The following LZTFL1 variants were observed in gnomAD, a reference collection of about 807,000 sequenced individuals.
The protein encoded by LZTFL1 is leucine zipper transcription factor-like protein 1.
In LZTFL1, 25 loss-of-function variants were observed where a neutral mutation model predicts 45.9. The observed-to-expected ratio is 0.54, with a 90% CI of 0.40 to 0.76. LZTFL1 has a LOEUF of 0.76. Ranked by LOEUF, LZTFL1 falls within the 30% of genes least tolerant of loss-of-function variation. The pLI is 0.00. For synonymous variants in LZTFL1, 93 were observed against 117.4 expected (o/e 0.79, Z 1.35); for missense variants, 277 against 331.1 (o/e 0.84, Z 1.27).
intron 2 of LZTFL1, chr3:45,897,678 C>T: frequency 3.6e-6 from 5 of 1,385,582 alleles, no homozygotes; most frequent in South Asian, 2.7e-5. Flanking sequence ...CACCTGCCCC[C>T]TCTCATTTGT....
Position 45,834,226 on chromosome 3 carries a change from C to A in LZTFL1, c.384+12G>T, listed in dbSNP as rs538612017. ...CTATTAAGATATGGATTTAGAATGA[C>A]CAAAAAGTTACCTTTTTGTTTGAAG... On this transcript the variant is annotated intron_variant, in intron 4 of 9. Coordinates refer to ENST00000296135, the MANE Select transcript of LZTFL1 (RefSeq NM_020347.4). 2.5e-4 allele frequency: 390 copies of A among 1,553,002 alleles called. 1 individual carries two copies. The South Asian group carries it at 4.2e-3, about 17-fold the overall frequency.
rs538544547 is a variant in LZTFL1 at position 45,901,042 on chromosome 3, T to C, written c.-215+12078A>G. On this transcript the variant is annotated intron_variant, in intron 2 of 4. Coordinates refer to the LZTFL1 transcript ENST00000472635. This position sits in a 1 kb window ranked among gnomAD's most constrained non-coding sequence, Gnocchi z 4.3. The stretch of plus-strand genomic sequence containing the variant: ...ACAAGAGTGAAGACCATGACCGACA[T>C]GTTCCTTTTGAATTTGGCAATTGCT... 1.5e-5 allele frequency: 25 copies of C among 1,614,236 alleles called. No individual in the cohort carries two copies. The African/African-American group carries it at 2.4e-4, about 15-fold the overall frequency.
In LZTFL1 at chr3:45,891,396, T is replaced by C. The variant is rs534048200; in HGVS notation, c.-215+21724A>G. Among the ~76,000 whole-genome samples, 13 of 152,366 alleles carry C rather than the reference T, an allele frequency of 8.5e-5. 1 individual carries two copies. The South Asian group carries it at 2.7e-3, about 32-fold the overall frequency. On this transcript the variant is annotated intron_variant, in intron 2 of 4. Coordinates refer to the LZTFL1 transcript ENST00000472635. ...GCTTATAAACCCTTCACCCAAACCA[T>C]TGTTTTCATTTTGTCCTACTGGCTT...
At position 45,825,579 on chromosome 3, in the gene LZTFL1, C is replaced by A. The variant is rs1700643082; in HGVS notation, c.*735G>T. 6.6e-6 allele frequency: 1 copy of A among 152,058 alleles called. No homozygotes were observed. The highest frequency in any genetic ancestry group is 6.5e-5 in the Admixed American group (1 of 15,272). 9.4% of individuals were successfully genotyped at this position (152,058 alleles called of 1,614,324 possible). The stretch of plus-strand genomic sequence containing the variant: ...TATAAATATTACATTTATTCTGAGT[C>A]CAGATACTTTCTAAACTGTAGAAGT... On this transcript the variant is annotated 3_prime_UTR_variant, in exon 10 of 10. Coordinates refer to ENST00000296135, the MANE Select transcript of LZTFL1 (RefSeq NM_020347.4).
In LZTFL1 at chr3:45,900,909, A is replaced by C. The variant is rs1374860349; in HGVS notation, c.-215+12211T>G. ...CTTCACTGACTTCTACTGTGAGAAA[A>C]ACAATGTCAGGCAGTTTGCGAGCCA... On this transcript the variant is annotated intron_variant, in intron 2 of 4. Coordinates refer to the LZTFL1 transcript ENST00000472635. This position sits in a 1 kb window ranked among gnomAD's most constrained non-coding sequence, Gnocchi z 4.7. The C allele has an allele frequency of 3.7e-6, 6 of 1,614,212 alleles. No individual in the cohort carries two copies. The highest frequency in any genetic ancestry group is 5.1e-6 in the Non-Finnish European group (6 of 1,180,028).
chr3:45,890,650 G>A (rs1306949341), intron 2 of LZTFL1, among the ~76,000 whole-genome samples: 3 of 151,920 alleles, frequency 2.0e-5, no homozygotes, highest in African/African-American at 4.8e-5. Context: ...TGTCAGAACC[G>A]TTCAGAAATA....
chr3:45,837,921 T>C lies in LZTFL1; in HGVS notation c.128+6A>G. The C allele has an allele frequency of 1.2e-6, 2 of 1,605,318 alleles. No individual in the cohort carries two copies. Among genetic ancestry groups the C allele is most frequent in the Non-Finnish European group, 1.7e-6 (2 of 1,177,290 alleles). ...ATTTGGTTTGCTTAGAGTCCTCCTCTGATACCTGCTCTCCTTGAGGTCTTG... is the reference window on the plus strand; with the variant it reads ...ATTTGGTTTGCTTAGAGTCCTCCTCCGATACCTGCTCTCCTTGAGGTCTTG... On this transcript the variant is annotated splice_donor_region_variant and intron_variant, in intron 2 of 9. Coordinates refer to ENST00000296135, the MANE Select transcript of LZTFL1 (RefSeq NM_020347.4).
intron 2 of LZTFL1, among the ~76,000 whole-genome samples, chr3:45,905,644 C>T (rs1490803052): frequency 6.6e-6 from 1 of 152,218 alleles, no homozygotes; most frequent in East Asian, 1.9e-4. Context: ...CCAAGCCAGG[C>T]CTTCCCAGGG....
upstream of LZTFL1, among the ~76,000 whole-genome samples, chr3:45,845,591 C>G (rs1041353232): frequency 1.5e-4 from 23 of 152,086 alleles, no homozygotes; most frequent in African/African-American, 5.6e-4. Flanking sequence ...TGGCAAACTA[C>G]AAAAAGAGAT....
intron 2 of LZTFL1, among the ~76,000 whole-genome samples, chr3:45,837,219 T>C (rs2742367): frequency 6.6e-6 from 1 of 152,252 alleles, no homozygotes; most frequent in South Asian, 2.1e-4. Flanking sequence ...TCTTTCTATA[T>C]TCTTCAATAG....
chr3:45,834,243 T>G lies in LZTFL1; in HGVS notation c.379A>C (p.Lys127Gln). The change falls in exon 4 of 10, where the codon AAA becomes CAA. Residue 127 changes from lysine to glutamine, a missense_variant. Coordinates refer to ENST00000296135, the MANE Select transcript of LZTFL1 (RefSeq NM_020347.4). ...FEKAEITSSN[K>Q]KPILDVTKPK... ...TAGAATGACCAAAAAGTTACCTTTT[T>G]GTTTGAAGATGTAATCTCTGCTTTT... 1 of 1,588,228 alleles carries G rather than the reference T, an allele frequency of 6.3e-7. No individual in the cohort carries two copies. Among genetic ancestry groups the G allele is most frequent in the Non-Finnish European group, 8.6e-7 (1 of 1,159,128 alleles).
intron 2 of LZTFL1, among the ~76,000 whole-genome samples, chr3:45,911,620 A>C (rs1702796437): frequency 6.6e-6 from 1 of 152,226 alleles, no homozygotes; most frequent in South Asian, 2.1e-4. Context: ...TCTTCTCACA[A>C]AGGCCCTGAG....
rs1700608865 is a variant in LZTFL1, at chr3:45,824,270, T to G, written c.*2044A>C. 1 of 152,150 alleles carries G rather than the reference T, an allele frequency of 6.6e-6. No individual in the cohort carries two copies. Among genetic ancestry groups the G allele is most frequent in the African/African-American group, 2.4e-5 (1 of 41,436 alleles). 9.4% of individuals were successfully genotyped at this position (152,150 alleles called of 1,614,324 possible). On this transcript the variant is annotated 3_prime_UTR_variant, in exon 10 of 10. Coordinates refer to ENST00000296135, the MANE Select transcript of LZTFL1 (RefSeq NM_020347.4). Reference sequence around the variant, plus strand: ...ATATATATATATATGAAAAAGGCTTTCTTTCTCAGTTAAATTAGATAAGTC... The same window carrying G: ...ATATATATATATATGAAAAAGGCTTGCTTTCTCAGTTAAATTAGATAAGTC...
chr3:45,847,726 G>A (rs1246229584), intron 4 of LZTFL1, among the ~76,000 whole-genome samples: 1 of 152,192 alleles, frequency 6.6e-6, no homozygotes, highest in Non-Finnish European at 1.5e-5. Context: ...CTCAGAGATT[G>A]CAGCTTTATA....
chr3:45,830,671 G>A (rs1349478350), intron 7 of LZTFL1, among the ~76,000 whole-genome samples: 1 of 152,078 alleles, frequency 6.6e-6, no homozygotes, highest in Admixed American at 6.5e-5. Flanking sequence ...TGCATGCCAG[G>A]GAAACTGCAG....
intron 2 of LZTFL1, among the ~76,000 whole-genome samples, chr3:45,865,061 C>T (rs921245740): frequency 2.6e-5 from 4 of 152,168 alleles, no homozygotes; most frequent in African/African-American, 4.8e-5. Context: ...TTGTGGCCAT[C>T]GATTACATTT....
At chr3:45,874,159 C>T (rs1025587519) in intron 2 of LZTFL1, among the ~76,000 whole-genome samples, 1 of 152,184 alleles carries the variant, frequency 6.6e-6, no homozygotes, top group Admixed American at 6.5e-5. Context: ...ATTCCCTTTG[C>T]TTTGCTTCCT....
intron 2 of LZTFL1, among the ~76,000 whole-genome samples, chr3:45,877,784 T>C (rs978535879): frequency 6.6e-6 from 1 of 151,572 alleles, no homozygotes; most frequent in Non-Finnish European, 1.5e-5. Context: ...AGCTCTTTGT[T>C]GCCCAGGCTG....
chr3:45,908,643 G>A (rs972415297), intron 2 of LZTFL1, among the ~76,000 whole-genome samples: 3 of 152,184 alleles, frequency 2.0e-5, no homozygotes, highest in Non-Finnish European at 4.4e-5. Context: ...GGGAGAAAGG[G>A]GAGGAGGGCG....
Sources: allele counts gnomAD v4.1 joint callset (sites outside exome capture counted in the v4.1 genomes callset), GRCh38; gene constraint gnomAD v4.1.1; non-coding constraint Gnocchi (gnomAD v3.1); transcripts MANE v1.5; gene names NCBI Gene and HGNC (gene_info 2026-07-23, HGNC 2026-07-21).